Variants in DIP2B observed in about 807,000 individuals in gnomAD.
The protein encoded by DIP2B is DIP2 acetate--CoA ligase B (putative).
Under a neutral mutation model 198.0 loss-of-function variants are expected in DIP2B, and 76 were observed. That is an observed-to-expected ratio of 0.38 (90% CI 0.32 to 0.46). The LOEUF (loss-of-function observed/expected upper bound fraction) is 0.46. DIP2B is among the 20% of genes least tolerant of loss of function. The pLI is 0.99. For missense variants in DIP2B, 1,559 were observed against 1,978.4 expected (o/e 0.79, Z 4.02); for synonymous variants, 701 against 739.1 (o/e 0.95, Z 0.84).
intron 1 of DIP2B, among the ~76,000 whole-genome samples, chr12:50,597,586 C>T (rs895576984): frequency 2.0e-5 from 3 of 152,106 alleles, no homozygotes; most frequent in African/African-American, 7.2e-5. Flanking sequence ...GGATGGGATG[C>T]GTGTTGTCTG....
At chr12:50,597,224 G>T (rs772097520) in intron 1 of DIP2B, among the ~76,000 whole-genome samples, 6 of 152,024 alleles carry the variant, frequency 3.9e-5, no homozygotes, top group Non-Finnish European at 5.9e-5. Context: ...CTTTTTAAGG[G>T]CTCAATAGCA....
intron 1 of DIP2B, among the ~76,000 whole-genome samples, chr12:50,612,515 G>A (rs995059553): frequency 2.7e-5 from 4 of 148,654 alleles, no homozygotes; most frequent in African/African-American, 9.9e-5. Context: ...TGCAACCTCT[G>A]TCTCCCAGGC....
At chr12:50,523,524 A>G (rs1958138375) in intron 1 of DIP2B, among the ~76,000 whole-genome samples, 1 of 152,222 alleles carries the variant, frequency 6.6e-6, no homozygotes, top group East Asian at 1.9e-4. Flanking sequence ...TTAGAACTCC[A>G]ATGGAAGATT....
At chr12:50,513,009 C>G (rs1958032210) in intron 1 of DIP2B, among the ~76,000 whole-genome samples, 1 of 151,982 alleles carries the variant, frequency 6.6e-6, no homozygotes, top group African/African-American at 2.4e-5. Flanking sequence ...ACCATCTCAA[C>G]AACAACAACA....
At position 50,643,865 on chromosome 12, in the gene DIP2B, C is replaced by T. The variant is rs1038034796; in HGVS notation, c.301+3013C>T. Reference sequence around the variant, plus strand: ...GAGCTGACCTTATATCTGTTTGCTACGCCAGTCATAGAAAGGGTTACATTT... The same window carrying T: ...GAGCTGACCTTATATCTGTTTGCTATGCCAGTCATAGAAAGGGTTACATTT... On this transcript the variant is annotated intron_variant, in intron 3 of 37. Transcript: ENST00000301180. Among the ~76,000 whole-genome samples, 13 of 152,010 alleles carry T rather than the reference C, an allele frequency of 8.6e-5. No individual in the cohort carries two copies. The East Asian group carries it at 1.9e-3, about 23-fold the overall frequency.
At chr12:50,599,856 A>G (rs1299017104) in intron 1 of DIP2B, among the ~76,000 whole-genome samples, 1 of 152,162 alleles carries the variant, frequency 6.6e-6, no homozygotes, top group East Asian at 1.9e-4. Context: ...CTGCGATGGC[A>G]ATAGGAGATT....
At chr12:50,726,411 C>T (rs1272045203) in intron 28 of DIP2B, among the ~76,000 whole-genome samples, 8 of 152,178 alleles carry the variant, frequency 5.3e-5, no homozygotes, top group African/African-American at 1.9e-4. Context: ...AGTGCAGTGG[C>T]GCGATCTCGG....
chr12:50,631,224 G>C (rs899820208), intron 2 of DIP2B, among the ~76,000 whole-genome samples: 1 of 144,902 alleles, frequency 6.9e-6, no homozygotes, highest in Non-Finnish European at 1.5e-5. Flanking sequence ...GACCTCCTGG[G>C]TTCAAGCGAT....
At chr12:50,706,756 C>G in intron 21 of DIP2B, 91 bp downstream of exon 21, 1 of 1,451,752 alleles carries the variant, frequency 6.9e-7, no homozygotes, top group Non-Finnish European at 9.3e-7. Context: ...TGTAGGTTCT[C>G]TTTCCAAGTG....
intron 1 of DIP2B, among the ~76,000 whole-genome samples, chr12:50,512,027 C>G (rs576887432): frequency 3.3e-5 from 5 of 150,724 alleles, no homozygotes; most frequent in African/African-American, 1.2e-4. Flanking sequence ...TCCTGAGCTC[C>G]TTTTACCTTG....
intron 9 of DIP2B, among the ~76,000 whole-genome samples, chr12:50,682,506 G>A (rs1363773353): frequency 6.6e-6 from 1 of 151,892 alleles, no homozygotes; most frequent in Non-Finnish European, 1.5e-5. Flanking sequence ...GCAGGCACCT[G>A]TAGTCCCAGC....
intron 16 of DIP2B, among the ~76,000 whole-genome samples, chr12:50,696,642 T>C (rs997060705): frequency 2.0e-5 from 3 of 152,210 alleles, no homozygotes; most frequent in Non-Finnish European, 4.4e-5. Flanking sequence ...TTGATCATCA[T>C]AGTTTAAAAC....
rs1315658337 is a variant in DIP2B at position 50,648,278 on chromosome 12, G to T, written c.301+7426G>T. On this transcript the variant is annotated intron_variant, in intron 3 of 37. Coordinates refer to ENST00000301180, the MANE Select transcript of DIP2B (RefSeq NM_173602.3). ...TATTATTTCTTTTGTTACTAATGAG[G>T]TTGGACATTTGGAGATATGTTTACT... Among the ~76,000 whole-genome samples the T allele has an allele frequency of 2.6e-5, 4 of 152,116 alleles. No individual in the cohort carries two copies. The East Asian group carries it at 7.7e-4, about 29-fold the overall frequency.
In DIP2B at chr12:50,615,981, T is replaced by G. The variant is rs1457608983; in HGVS notation, c.101-9995T>G. ...GGCATGGTTTTTCTAAGTGGACAAA[T>G]AAACATACCTTTTGCATTAGATGGA... is the stretch of plus-strand genomic sequence containing the variant. On this transcript the variant is annotated intron_variant, in intron 1 of 37. Coordinates refer to ENST00000301180, the MANE Select transcript of DIP2B (RefSeq NM_173602.3). Among the ~76,000 whole-genome samples, 3 of 152,254 alleles carry G rather than the reference T, an allele frequency of 2.0e-5. No individual in the cohort carries two copies. In the East Asian group the frequency reaches 5.8e-4, roughly 29 times the overall value.
Position 50,640,761 on chromosome 12 carries a change from G to A in DIP2B, c.210G>A (p.Gln70=). The part of the protein sequence containing the change: ...DSAVQKELRN[Q]TPAPSAAQTS... ...CAGTACAGAAAGAACTTAGAAACCA[G>A]ACACCTGCTCCATCTGCAGCTCAAA... The change falls in exon 3 of 38, where the codon CAG becomes CAA. Residue 70 remains glutamine (Q), a synonymous_variant. Coordinates refer to ENST00000301180, the MANE Select transcript of DIP2B (RefSeq NM_173602.3). 6.2e-7 allele frequency: 1 copy of A among 1,613,866 alleles called. No individual in the cohort carries two copies. The highest frequency in any genetic ancestry group is 8.5e-7 in the Non-Finnish European group (1 of 1,179,874).
chr12:50,723,203 C>T lies in DIP2B; in HGVS notation c.3168C>T (p.Gly1056=). Residue 1056 remains glycine (G), a splice_region_variant and synonymous_variant, in exon 27 of 38, where the codon GGC becomes GGT. Transcript: ENST00000301180. ...GDNVVLLYPP[G]IELIAAFYGC... ...CTGACAGGGTCCTTTGTCTTGCAGGCATTGAGTTAATCGCCGCCTTCTATG... is the reference window on the plus strand; with the variant it reads ...CTGACAGGGTCCTTTGTCTTGCAGGTATTGAGTTAATCGCCGCCTTCTATG... The T allele has an allele frequency of 6.2e-7, 1 of 1,614,078 alleles. No homozygotes were observed. Among genetic ancestry groups the T allele is most frequent in the Non-Finnish European group, 8.5e-7 (1 of 1,180,018 alleles).
intron 35 of DIP2B, 97 bp downstream of exon 35, chr12:50,737,207 C>T (rs1012981725): frequency 1.7e-6 from 2 of 1,183,874 alleles, no homozygotes; most frequent in South Asian, 1.3e-5. Context: ...TTTAGCTTTC[C>T]CCCGTTGTGA....
chr12:50,736,010 G>A (rs1940132711), intron 34 of DIP2B, among the ~76,000 whole-genome samples: 1 of 152,206 alleles, frequency 6.6e-6, no homozygotes. Context: ...AAACCCACAT[G>A]CATTGTCAAG....
At chr12:50,671,877 C>T (rs1258255397) in intron 5 of DIP2B, among the ~76,000 whole-genome samples, 1 of 152,218 alleles carries the variant, frequency 6.6e-6, no homozygotes, top group Non-Finnish European at 1.5e-5. Flanking sequence ...GATATTGCTA[C>T]ACTGGAGTGT....
Sources: allele counts gnomAD v4.1 joint callset (sites outside exome capture counted in the v4.1 genomes callset), GRCh38; gene constraint gnomAD v4.1.1; transcripts MANE v1.5; gene names NCBI Gene and HGNC (gene_info 2026-07-23, HGNC 2026-07-21).